The following IKBKB variants were observed in gnomAD, a reference collection of about 807,000 sequenced individuals.
IKBKB encodes the protein inhibitor of nuclear factor kappa B kinase subunit beta.
IKBKB carries 42 observed loss-of-function variants against 113.6 expected under a neutral mutation model. That is an observed-to-expected ratio of 0.37 (90% CI 0.29 to 0.48). The LOEUF (loss-of-function observed/expected upper bound fraction) is 0.48, where lower values mean the gene tolerates loss of function less well. Ranked by LOEUF, IKBKB falls within the 20% of genes least tolerant of loss-of-function variation. The probability of loss-of-function intolerance (pLI) is 0.99; values close to 1 mark genes in which losing one functional copy is unlikely to be tolerated. For missense variants in IKBKB, 673 were observed against 939.7 expected (o/e 0.72, Z 3.71); for synonymous variants, 296 against 361.3 (o/e 0.82, Z 2.05).
At chr8:42,286,459 G>C (rs1303730842) in intron 2 of IKBKB, among the ~76,000 whole-genome samples, 1 of 152,108 alleles carries the variant, frequency 6.6e-6, no homozygotes, top group Non-Finnish European at 1.5e-5. Context: ...GGGAGGCCTT[G>C]CCACAGTCCT....
chr8:42,278,823 C>T (rs527282312), intron 2 of IKBKB, among the ~76,000 whole-genome samples: 16 of 152,022 alleles, frequency 1.1e-4, no homozygotes, highest in Non-Finnish European at 1.5e-4. Flanking sequence ...GGAGAAACCC[C>T]GTCTCTACTA....
At chr8:42,281,014 A>G (rs1383352277) in intron 2 of IKBKB, among the ~76,000 whole-genome samples, 6 of 152,116 alleles carry the variant, frequency 3.9e-5, no homozygotes, top group Admixed American at 3.9e-4. Context: ...CTCTGATCAC[A>G]GTGATCCAGG....
At chr8:42,295,171 T>A (rs1309200603) in intron 5 of IKBKB, among the ~76,000 whole-genome samples, 3 of 192 alleles carry the variant, frequency 0.016, no homozygotes, top group South Asian at 0.17. Flanking sequence ...CAGGCTGGTG[T>A]TGCAGTAGGC....
chr8:42,281,456 G>A (rs1315052614), intron 2 of IKBKB, among the ~76,000 whole-genome samples: 2 of 152,142 alleles, frequency 1.3e-5, no homozygotes, highest in African/African-American at 4.8e-5. Flanking sequence ...GTGGGGGAGG[G>A]AGTTACACCT....
intron 2 of IKBKB, among the ~76,000 whole-genome samples, chr8:42,277,112 C>T (rs945653060): frequency 5.6e-4 from 85 of 151,536 alleles, no homozygotes; most frequent in African/African-American, 1.5e-3. Flanking sequence ...CCTTGTGATC[C>T]GCCTGCTCGG....
chr8:42,274,599 C>G (rs1808549164), intron 2 of IKBKB, among the ~76,000 whole-genome samples: 1 of 151,918 alleles, frequency 6.6e-6, no homozygotes, highest in South Asian at 2.1e-4. Flanking sequence ...GTGGCGCGAT[C>G]TTGGCTCACT....
chr8:42,317,848 C>T lies in IKBKB; in HGVS notation c.1240+77C>T, dbSNP rs138911052. ...GACAAGGCAGGGAAGGGAGACTGGA[C>T]TAAGGAAGGGGGAGCCACGTAAAGG... On this transcript the variant is annotated intron_variant, in intron 12 of 21. Coordinates refer to ENST00000520810, the MANE Select transcript of IKBKB (RefSeq NM_001556.3). 4.7e-6 allele frequency: 5 copies of T among 1,067,916 alleles called. No homozygotes were observed. The South Asian group carries it at 5.1e-5, about 11-fold the overall frequency. The allele number at this position is 1,067,916 out of a possible 1,614,324, so 66.2% of individuals were successfully genotyped here. A position where few individuals can be genotyped will look rare whatever the true frequency, so the allele number is the denominator to read the frequency against.
chr8:42,319,736 T>G, intron 15 of IKBKB, 90 bp downstream of exon 15: 1 of 1,111,676 alleles, frequency 9.0e-7, no homozygotes, highest in Non-Finnish European at 1.3e-6. Context: ...ACTGGGTCGA[T>G]CTCTGTCAAA....
At chr8:42,276,712 G>GT (rs554087008) in intron 2 of IKBKB, among the ~76,000 whole-genome samples, 5,018 of 138,406 alleles carry the variant, frequency 0.036, 98 homozygotes, top group Non-Finnish European at 0.05. Flanking sequence ...ATGTTTTCTT[G>GT]TTTTTTTTTT....
rs200322650 is a variant in IKBKB, at chr8:42,316,287, C to T, written c.878C>T (p.Thr293Met). 52 of 1,614,038 alleles carry T rather than the reference C, an allele frequency of 3.2e-5. No homozygotes were observed. Among genetic ancestry groups the T allele is most frequent in the African/African-American group, 4.0e-5 (3 of 74,918 alleles). ...CCCCGACAGAGGGGCACGGATCCCACGTATGGGCCCAATGGCTGCTTCAAG... is the reference window on the plus strand; with the variant it reads ...CCCCGACAGAGGGGCACGGATCCCATGTATGGGCCCAATGGCTGCTTCAAG... The part of the protein sequence containing the change: ...WHPRQRGTDP[T>M]YGPNGCFKAL... Residue 293 changes from threonine to methionine, a missense_variant, in exon 10 of 22, where the codon ACG (threonine) becomes ATG (methionine). Around this residue, in one of 2 missense-constraint regions of IKBKB, gnomAD observed 506 missense variants for 638.7 expected, o/e 0.79. Coordinates refer to ENST00000520810, the MANE Select transcript of IKBKB (RefSeq NM_001556.3). This position sits in a 1 kb window ranked among gnomAD's most constrained non-coding sequence, Gnocchi z 4.5.
At chr8:42,329,025 A>T in intron 20 of IKBKB, 99 bp from the exon 21 acceptor site, 1 of 909,168 alleles carries the variant, frequency 1.1e-6, no homozygotes, top group East Asian at 2.7e-5. Context: ...ACTTCATTTA[A>T]AAAGTATTAT....
chr8:42,328,220 T>C (rs1821184889), intron 20 of IKBKB, among the ~76,000 whole-genome samples: 1 of 151,794 alleles, frequency 6.6e-6, no homozygotes. Flanking sequence ...GTGCTGGGAT[T>C]ACAGGCGTGA....
At position 42,274,571 on chromosome 8, in the gene IKBKB, C is replaced by T. The variant is rs560592755; in HGVS notation, c.105+2366C>T. The stretch of plus-strand genomic sequence containing the variant: ...TTTTGAGACGGAGTTTTGCTCTTGT[C>T]GCCCAGGCTGGAGTGCAGTGGCGCG... On this transcript the variant is annotated intron_variant, in intron 2 of 21. Transcript: ENST00000520810. Among the ~76,000 whole-genome samples, 7 of 145,690 alleles carry T rather than the reference C, an allele frequency of 4.8e-5. 1 individual carries two copies. Among genetic ancestry groups the T allele is most frequent in the African/African-American group, 1.5e-4 (6 of 39,526 alleles).
In IKBKB at chr8:42,314,335, C is replaced by T. The variant is rs1366003386; in HGVS notation, c.706C>T (p.Arg236Trp). The T allele has an allele frequency of 6.2e-6, 10 of 1,612,738 alleles. No individual in the cohort carries two copies. Among genetic ancestry groups the T allele is most frequent in the East Asian group, 2.2e-5 (1 of 44,882 alleles). The change falls in exon 9 of 22, where the codon CGG becomes TGG. Residue 236 changes from arginine to tryptophan, a missense_variant. Around this residue, in one of 2 missense-constraint regions of IKBKB, gnomAD observed 167 missense variants for 301.0 expected, o/e 0.55. Coordinates refer to ENST00000520810, the MANE Select transcript of IKBKB (RefSeq NM_001556.3). ...TCATATTTGCAGGCATTCAAAAGTG[C>T]GGCAGAAGAGTGAGGTGGACATTGT... ...WQPVQWHSKV[R>W]QKSEVDIVVS...
intron 21 of IKBKB, chr8:42,329,858 C>G: frequency 1.0e-6 from 1 of 985,438 alleles, no homozygotes; most frequent in Non-Finnish European, 1.2e-6. Flanking sequence ...GCATCATTTG[C>G]TTAGATCTTT....
intron 2 of IKBKB, among the ~76,000 whole-genome samples, chr8:42,285,869 C>T (rs538575227): frequency 6.6e-6 from 1 of 152,210 alleles, no homozygotes; most frequent in Admixed American, 6.6e-5. Context: ...CAGGCTAATC[C>T]GTAGAGACAG....
intron 18 of IKBKB, 71 bp downstream of exon 18, chr8:42,322,224 CCT>C (rs1819911851): frequency 1.3e-6 from 2 of 1,551,712 alleles, no homozygotes; most frequent in Middle Eastern, 1.8e-4. Flanking sequence ...CTTCCTCCCT[CCT>C]CTCTGATTCG....
intron 5 of IKBKB, among the ~76,000 whole-genome samples, chr8:42,295,277 C>T (rs951606920): frequency 6.6e-6 from 1 of 152,050 alleles, no homozygotes; most frequent in Non-Finnish European, 1.5e-5. Flanking sequence ...CACCACCACA[C>T]CTGGCTAATT....
At chr8:42,303,084 A>AAT (rs1815649702) in intron 5 of IKBKB, among the ~76,000 whole-genome samples, 4 of 144,434 alleles carry the variant, frequency 2.8e-5, no homozygotes, top group African/African-American at 8.3e-5. Context: ...AGAGAGAGAG[A>AAT]GAGAGAATGA....
Sources: allele counts gnomAD v4.1 joint callset (sites outside exome capture counted in the v4.1 genomes callset), GRCh38; gene constraint gnomAD v4.1.1; regional missense constraint gnomAD v4.1.1; non-coding constraint Gnocchi (gnomAD v3.1); transcripts MANE v1.5; gene names NCBI Gene and HGNC (gene_info 2026-07-23, HGNC 2026-07-21).